The following NCF4 variants were observed in gnomAD, a reference collection of about 807,000 sequenced individuals.
NCF4 encodes the protein neutrophil cytosolic factor 4.
A neutral mutation model predicts 41.7 loss-of-function variants in NCF4; 30 were observed. The observed-to-expected ratio is 0.72, with a 90% CI of 0.54 to 0.97. NCF4 has a LOEUF of 0.97. Among genes scored for constraint, NCF4 ranks in the 50% least tolerant of loss-of-function variants. The pLI, the probability that NCF4 is intolerant of heterozygous loss-of-function variation, is 0.00. For missense variants in NCF4, 432 were observed against 460.9 expected, an observed-to-expected ratio of 0.94 and a Z score of 0.57; for synonymous variants, 195 against 175.8, an observed-to-expected ratio of 1.11 and a Z score of -0.87.
In NCF4 at chr22:36,872,243, T is replaced by C. The variant is rs767491035; in HGVS notation, c.529-84T>C. 1.1e-5 allele frequency: 12 copies of C among 1,080,628 alleles called. No individual in the cohort carries two copies. The African/African-American group carries it at 1.6e-4, about 14-fold the overall frequency. The allele number at this position is 1,080,628 out of a possible 1,614,324, so 66.9% of individuals were successfully genotyped here. On this transcript the variant is annotated intron_variant, in intron 6 of 9. Coordinates refer to ENST00000248899, the MANE Select transcript of NCF4 (RefSeq NM_000631.5). ...AGCCTCAGTTTCTACATCTGTAAAA[T>C]GGGAGACTAAAGTATGTAAGGCACT... is the stretch of plus-strand genomic sequence containing the variant.
chr22:36,861,264 C>G (rs1381456631), intron 1 of NCF4, 61 bp downstream of exon 1: 26 of 1,529,986 alleles, frequency 1.7e-5, no homozygotes, highest in Non-Finnish European at 2.1e-5. Context: ...GCCTTAGGGA[C>G]AAAGGCCAGT....
rs554236195 is a variant in NCF4 at position 36,872,061 on chromosome 22, G to A, written c.529-266G>A. The A allele has an allele frequency of 1.9e-4, 132 of 690,722 alleles. No individual in the cohort carries two copies. The African/African-American group carries it at 2.2e-3, about 11-fold the overall frequency. The allele number at this position is 690,722 out of a possible 1,614,324, so 42.8% of individuals were successfully genotyped here. ...CACGATGAAGCCTGGGGACCAGGGT[G>A]GGTGCTCAGCCCAGAGAGTTCGAAC... On this transcript the variant is annotated intron_variant, in intron 6 of 9. Transcript: ENST00000248899.
chr22:36,867,562 G>T (rs1474016503), intron 4 of NCF4, 100 bp downstream of exon 4: 4 of 1,262,822 alleles, frequency 3.2e-6, no homozygotes, highest in Non-Finnish European at 4.6e-6. Flanking sequence ...AACTGGGGCT[G>T]GCTCTCTGGC....
chr22:36,875,467 C>G (rs1940170877), intron 7 of NCF4, among the ~76,000 whole-genome samples, 186 bp from the exon 8 acceptor site: 1 of 152,138 alleles, frequency 6.6e-6, no homozygotes, highest in Non-Finnish European at 1.5e-5. Context: ...TATTGTAAAA[C>G]CCAAATATAA....
chr22:36,875,724 G>C lies in NCF4; in HGVS notation c.699G>C (p.Glu233Asp), dbSNP rs2145726674. Reference sequence around the variant, plus strand: ...AGATCCTCAAAGACTTCCCTGAGGAGGACGACCCCACCAACTGGCTGCGTT... The same window carrying C: ...AGATCCTCAAAGACTTCCCTGAGGACGACGACCCCACCAACTGGCTGCGTT... ...FVKILKDFPE[E>D]DDPTNWLRCY... Residue 233 changes from glutamate to aspartate, a missense_variant, in exon 8 of 10, where the codon GAG becomes GAC. By Grantham distance (45) the Glu-to-Asp change is conservative (BLOSUM62 2). Transcript: ENST00000248899. 3.1e-6 allele frequency: 5 copies of C among 1,613,890 alleles called. No individual in the cohort carries two copies. The highest frequency in any genetic ancestry group is 1.1e-5 in the South Asian group (1 of 91,082).
Position 36,871,714 on chromosome 22 carries a change from C to T in NCF4, c.528+5C>T, listed in dbSNP as rs1244632852. 1.3e-6 allele frequency: 2 copies of T among 1,558,008 alleles called. No homozygotes were observed. The highest frequency in any genetic ancestry group is 1.7e-6 in the Non-Finnish European group (2 of 1,150,300). On this transcript the variant is annotated splice_donor_5th_base_variant and intron_variant, in intron 6 of 9. Transcript: ENST00000248899. ...ATGGCAGCTCCGAGAGCAGAGGTAA[C>T]CCCCGCCCCCACGCTGGCCAGGCTC... is the stretch of plus-strand genomic sequence containing the variant.
In NCF4 at chr22:36,862,754, C is replaced by T. The variant is rs1030944280; in HGVS notation, c.33-1291C>T. Among the ~76,000 whole-genome samples the T allele has an allele frequency of 9.2e-5, 14 of 152,166 alleles. No individual in the cohort carries two copies. In the East Asian group the frequency reaches 9.6e-4, roughly 10 times the overall value. ...AGTACAAGGAGAGGGCGCAGGTTCG[C>T]GCAGCGGGGACTTTCTAGAACCCCA... On this transcript the variant is annotated intron_variant, in intron 1 of 9. Coordinates refer to ENST00000248899, the MANE Select transcript of NCF4 (RefSeq NM_000631.5).
intron 1 of NCF4, among the ~76,000 whole-genome samples, chr22:36,863,089 G>A (rs539668118): frequency 1.3e-5 from 2 of 152,232 alleles, no homozygotes; most frequent in Middle Eastern, 3.4e-3. Context: ...CTTCTTGCCC[G>A]CCCCACAGGC....
chr22:36,870,183 C>A, intron 4 of NCF4: 1 of 602,026 alleles, frequency 1.7e-6, no homozygotes, highest in South Asian at 1.9e-5. Flanking sequence ...GGACTCTTCT[C>A]AAGCCCCTGG....
chr22:36,866,407 G>A (rs1391115996), intron 3 of NCF4, among the ~76,000 whole-genome samples: 1 of 151,932 alleles, frequency 6.6e-6, no homozygotes, highest in Non-Finnish European at 1.5e-5. Flanking sequence ...CCCCTTCCTA[G>A]CTTACTAGAG....
At chr22:36,869,333 G>A (rs573684926) in intron 4 of NCF4, among the ~76,000 whole-genome samples, 78 of 152,260 alleles carry the variant, frequency 5.1e-4, no homozygotes, top group African/African-American at 1.7e-3. Flanking sequence ...ACAATCCCAC[G>A]AGGGAGAGGC....
At chr22:36,876,127 A>C (rs773718213) in intron 9 of NCF4, 33 bp downstream of exon 9, 1 of 1,566,886 alleles carries the variant, frequency 6.4e-7, no homozygotes, top group Admixed American at 1.8e-5. Context: ...GGGGAGTTAG[A>C]TACTCTGGAG....
rs145005349 is a variant in NCF4, at chr22:36,877,628, G to T, written c.825G>T (p.Arg275Ser). ...ATTATCCCTGACTTTTCCCATGCAG[G>T]CGGGAGTTCCAGAGAGAGGACATAG... ...PLLKDLLELTRREFQREDIAL... is the reference protein window; with the variant it reads ...PLLKDLLELTSREFQREDIAL... The change falls in exon 10 of 10, where the codon AGG (arginine) becomes AGT (serine). Residue 275 changes from arginine (R) to serine (S), a missense_variant and splice_region_variant. Coordinates refer to ENST00000248899, the MANE Select transcript of NCF4 (RefSeq NM_000631.5). The T allele has an allele frequency of 2.5e-4, 401 of 1,614,006 alleles. 2 individuals carry two copies. Among genetic ancestry groups the T allele is most frequent in the Middle Eastern group, 1.6e-4 (1 of 6,084 alleles).
Position 36,861,134 on chromosome 22 carries a change from C to A in NCF4, c.-38C>A. The A allele has an allele frequency of 6.4e-7, 1 of 1,550,910 alleles. No individual in the cohort carries two copies. The highest frequency in any genetic ancestry group is 8.7e-7 in the Non-Finnish European group (1 of 1,146,728). On this transcript the variant is annotated 5_prime_UTR_variant, in exon 1 of 10. Transcript: ENST00000248899. ...TGAACTCAGCCTGGGACTGGCTGGG[C>A]GAGACTCTCCACCTGCTCCCTGGGA...
chr22:36,871,865 C>T (rs1940065000), intron 6 of NCF4, among the ~76,000 whole-genome samples, 156 bp downstream of exon 6: 1 of 152,378 alleles, frequency 6.6e-6, no homozygotes, highest in East Asian at 1.9e-4. Context: ...TCAGCCTCTG[C>T]CACTGGGGGT....
At chr22:36,862,179 C>T (rs532243217) in intron 1 of NCF4, among the ~76,000 whole-genome samples, 37 of 152,362 alleles carry the variant, frequency 2.4e-4, no homozygotes, top group South Asian at 4.1e-4. Flanking sequence ...CAGCAGGTGA[C>T]CTCTGTTACC....
At chr22:36,870,078 G>C in intron 4 of NCF4, 1 of 380,648 alleles carries the variant, frequency 2.6e-6, no homozygotes, top group East Asian at 6.5e-5. Flanking sequence ...GCAAGGGCGC[G>C]CATGTGATAC....
intron 7 of NCF4, among the ~76,000 whole-genome samples, chr22:36,872,660 T>C (rs1184153772): frequency 1.2e-3 from 39 of 33,744 alleles, no homozygotes; most frequent in African/African-American, 2.2e-3. Flanking sequence ...GAGATGAGAT[T>C]GGAGGTGAGG....
At chr22:36,861,388 C>G (rs958213355) in intron 1 of NCF4, among the ~76,000 whole-genome samples, 185 bp downstream of exon 1, 1 of 152,240 alleles carries the variant, frequency 6.6e-6, no homozygotes, top group Admixed American at 6.5e-5. Context: ...GGCTCACCAC[C>G]CTCAGACACA....
Sources: gnomAD v4.1 joint callset for allele counts (sites outside exome capture counted in the v4.1 genomes callset) on GRCh38, gnomAD v4.1.1 for gene constraint, MANE v1.5 for transcripts, NCBI Gene and HGNC (gene_info 2026-07-23, HGNC 2026-07-21) for gene names.